TMEM135: variants seen among roughly 807,000 people sequenced by gnomAD.
TMEM135 encodes peroxisomal membrane protein 52.
A neutral mutation model predicts 60.3 loss-of-function variants in TMEM135; 30 were observed. The observed-to-expected ratio is 0.50, with a 90% CI of 0.37 to 0.68. The LOEUF is 0.68. Ranked by LOEUF, TMEM135 falls within the 30% of genes least tolerant of loss-of-function variation. The probability of loss-of-function intolerance (pLI) is 0.00; values close to 1 mark genes in which losing one functional copy is unlikely to be tolerated. For missense variants in TMEM135, 468 were observed against 548.8 expected (o/e 0.85, Z 1.47); for synonymous variants, 190 against 186.7 (o/e 1.02, Z -0.14).
intron 6 of TMEM135, among the ~76,000 whole-genome samples, chr11:87,278,917 T>C (rs956444046): frequency 2.0e-5 from 3 of 152,148 alleles, no homozygotes; most frequent in African/African-American, 4.8e-5. Flanking sequence ...ATTATGAAAC[T>C]TTTTTCTAGA....
chr11:87,152,434 T>C (rs1938580478), intron 4 of TMEM135, among the ~76,000 whole-genome samples: 1 of 152,212 alleles, frequency 6.6e-6, no homozygotes, highest in Non-Finnish European at 1.5e-5. Flanking sequence ...TTTATTTTTC[T>C]GGAATGCCTT....
intron 5 of TMEM135, among the ~76,000 whole-genome samples, chr11:87,207,535 GATA>G (rs1940262779): frequency 6.6e-6 from 1 of 152,094 alleles, no homozygotes; most frequent in East Asian, 1.9e-4. Flanking sequence ...TCCCAGATAT[GATA>G]ATAATCATCA....
In TMEM135 at chr11:87,326,372, A is replaced by C. The variant is rs975436367; in HGVS notation, c.*5039A>C. The C allele has an allele frequency of 1.5e-5, 7 of 453,966 alleles. No individual in the cohort carries two copies. Among genetic ancestry groups the C allele is most frequent in the African/African-American group, 1.4e-4 (7 of 49,994 alleles). The allele number at this position is 453,966 out of a possible 1,614,324, so 28.1% of individuals were successfully genotyped here. ...TTTCCTCCATCCCTGAACTAGGACC[A>C]GTTAATTTTCGAAGTCTAGTTCTTC... is the stretch of plus-strand genomic sequence containing the variant. On this transcript the variant is annotated 3_prime_UTR_variant, in exon 15 of 15. Coordinates refer to ENST00000305494, the MANE Select transcript of TMEM135 (RefSeq NM_022918.4).
At chr11:87,227,630 A>G (rs572614845) in intron 5 of TMEM135, among the ~76,000 whole-genome samples, 1 of 152,300 alleles carries the variant, frequency 6.6e-6, no homozygotes, top group Non-Finnish European at 1.5e-5. Flanking sequence ...ATATGACAAT[A>G]CATAGCTATT....
intron 6 of TMEM135, among the ~76,000 whole-genome samples, chr11:87,245,237 C>A (rs1425736528): frequency 6.6e-6 from 1 of 151,374 alleles, no homozygotes; most frequent in African/African-American, 2.4e-5. Context: ...AATTTCTGTT[C>A]TTTTACATTT....
At chr11:87,287,041 A>G (rs1942179150) in intron 6 of TMEM135, among the ~76,000 whole-genome samples, 1 of 152,182 alleles carries the variant, frequency 6.6e-6, no homozygotes, top group Admixed American at 6.5e-5. Flanking sequence ...TTTAAATCCA[A>G]TTTTTCTTTA....
At chr11:87,205,472 A>AATATATAT (rs1447954957) in intron 5 of TMEM135, among the ~76,000 whole-genome samples, 4 of 152,312 alleles carry the variant, frequency 2.6e-5, no homozygotes, top group East Asian at 3.9e-4. Flanking sequence ...CCAGATATTG[A>AATATATAT]TGGATAATGT....
At chr11:87,134,775 T>G (rs1349903560) in intron 4 of TMEM135, among the ~76,000 whole-genome samples, 4 of 152,326 alleles carry the variant, frequency 2.6e-5, no homozygotes, top group African/African-American at 9.6e-5. Context: ...CGTGTGCAAC[T>G]GCACCCAGCT....
At chr11:87,069,006 A>G (rs1023708990) in intron 2 of TMEM135, among the ~76,000 whole-genome samples, 1 of 151,266 alleles carries the variant, frequency 6.6e-6, no homozygotes, top group Non-Finnish European at 1.5e-5. Flanking sequence ...TGTGCTCTCT[A>G]GAAAGTTTCT....
chr11:87,293,517 C>G (rs1295296156), intron 6 of TMEM135, among the ~76,000 whole-genome samples: 1 of 152,108 alleles, frequency 6.6e-6, no homozygotes, highest in Non-Finnish European at 1.5e-5. Flanking sequence ...CCTCACTCCC[C>G]ACACCCCAAC....
intron 1 of TMEM135, among the ~76,000 whole-genome samples, chr11:87,043,542 G>A (rs1333033776): frequency 6.6e-6 from 1 of 151,760 alleles, no homozygotes; most frequent in Non-Finnish European, 1.5e-5. Flanking sequence ...TGGCCAACAT[G>A]GTGAAACCCG....
At chr11:87,044,760 C>A (rs887581226) in intron 1 of TMEM135, among the ~76,000 whole-genome samples, 1 of 151,976 alleles carries the variant, frequency 6.6e-6, no homozygotes, top group African/African-American at 2.4e-5. Context: ...ACGCCCTTCT[C>A]CTGCCTCAGC....
At chr11:87,284,450 A>G (rs997465100) in intron 6 of TMEM135, among the ~76,000 whole-genome samples, 1 of 152,152 alleles carries the variant, frequency 6.6e-6, no homozygotes, top group African/African-American at 2.4e-5. Context: ...ATTCTATTGG[A>G]GTTGTTGCTG....
chr11:87,038,406 G>A (rs1949722473), intron 1 of TMEM135, among the ~76,000 whole-genome samples: 1 of 152,068 alleles, frequency 6.6e-6, no homozygotes, highest in Non-Finnish European at 1.5e-5. Context: ...ATTAGAGATT[G>A]AGCTGTCATC....
At chr11:87,171,520 C>T (rs541805592) in intron 5 of TMEM135, among the ~76,000 whole-genome samples, 2 of 152,092 alleles carry the variant, frequency 1.3e-5, no homozygotes, top group Non-Finnish European at 2.9e-5. Flanking sequence ...AACCTCATGA[C>T]AAAATTATCA....
intron 4 of TMEM135, among the ~76,000 whole-genome samples, chr11:87,112,370 C>A (rs1156255035): frequency 1.5e-5 from 2 of 135,298 alleles, no homozygotes; most frequent in East Asian, 2.3e-4. Context: ...CCTAAAAAAT[C>A]GCTCACTGTT....
At chr11:87,148,565 ATATTT>A (rs986914062) in intron 4 of TMEM135, among the ~76,000 whole-genome samples, 2 of 152,176 alleles carry the variant, frequency 1.3e-5, no homozygotes, top group African/African-American at 4.8e-5. Context: ...AAATTATTGC[ATATTT>A]TATTTTAAGT....
At chr11:87,060,647 C>CTT (rs11459506) in intron 1 of TMEM135, among the ~76,000 whole-genome samples, 86 of 143,542 alleles carry the variant, frequency 6.0e-4, no homozygotes, top group East Asian at 1.8e-3. Flanking sequence ...TTTTTCTTTC[C>CTT]TTTTTTTTTT....
intron 7 of TMEM135, among the ~76,000 whole-genome samples, chr11:87,298,825 C>T (rs962655809): frequency 2.8e-5 from 4 of 144,678 alleles, no homozygotes; most frequent in East Asian, 2.0e-4. Flanking sequence ...CAGTGGCTCA[C>T]GCCTGTAATC....
Sources: allele counts gnomAD v4.1 joint callset (sites outside exome capture counted in the v4.1 genomes callset), GRCh38; gene constraint gnomAD v4.1.1; transcripts MANE v1.5; gene names NCBI Gene and HGNC (gene_info 2026-07-23, HGNC 2026-07-21).